FAM13A: variants seen among roughly 807,000 people sequenced by gnomAD.
FAM13A encodes the protein family with sequence similarity 13 member A.
Under a neutral mutation model 129.6 loss-of-function variants are expected in FAM13A, and 76 were observed. The observed-to-expected ratio is 0.59, with a 90% confidence interval of 0.49 to 0.71. FAM13A has a LOEUF of 0.71. FAM13A is among the 30% of genes least tolerant of loss of function. FAM13A has a pLI of 0.00. For missense variants in FAM13A, 1,108 were observed against 1,249.3 expected (o/e 0.89, Z 1.70); for synonymous variants, 443 against 449.9 (o/e 0.98, Z 0.20).
At chr4:88,980,904 C>CT (rs1761578493) in intron 4 of FAM13A, among the ~76,000 whole-genome samples, 1 of 152,132 alleles carries the variant, frequency 6.6e-6, no homozygotes, top group Non-Finnish European at 1.5e-5. Flanking sequence ...AAATTAAACT[C>CT]TAACTTATTG....
chr4:88,960,598 TGTAA>T (rs1758456470), intron 4 of FAM13A, among the ~76,000 whole-genome samples: 2 of 152,170 alleles, frequency 1.3e-5, no homozygotes, highest in Admixed American at 6.5e-5. Flanking sequence ...AAGATGACTA[TGTAA>T]GCACTCTCAG....
rs529144194 is a variant in FAM13A at position 89,002,731 on chromosome 4, A to G, written c.428-11581T>C. Among the ~76,000 whole-genome samples, 12 of 152,336 alleles carry G rather than the reference A, an allele frequency of 7.9e-5. No individual in the cohort carries two copies. The South Asian group carries it at 2.5e-3, about 32-fold the overall frequency. On this transcript the variant is annotated intron_variant, in intron 3 of 23. Coordinates refer to ENST00000264344, the MANE Select transcript of FAM13A (RefSeq NM_014883.4). ...ATCACTTTATGTTTGAATAAAGACA[A>G]AAAGAAAACCCATAAACAGATAATA...
intron 13 of FAM13A, among the ~76,000 whole-genome samples, chr4:88,760,151 A>G (rs2149513245): frequency 6.6e-6 from 1 of 152,366 alleles, no homozygotes; most frequent in Non-Finnish European, 1.5e-5. Context: ...AGCTACTTTT[A>G]ATAGCCACCC....
intron 4 of FAM13A, among the ~76,000 whole-genome samples, chr4:88,963,581 A>C (rs930493749): frequency 2.0e-5 from 3 of 152,192 alleles, no homozygotes; most frequent in Non-Finnish European, 2.9e-5. Context: ...TACAGGCATG[A>C]GCCACTGCAC....
chr4:89,019,780 A>G (rs370238184), intron 3 of FAM13A, among the ~76,000 whole-genome samples: 2,698 of 151,282 alleles, frequency 0.018, 52 homozygotes, highest in Middle Eastern at 0.051. Flanking sequence ...AAAAAAAAAA[A>G]AGCAAGTTCT....
intron 5 of FAM13A, among the ~76,000 whole-genome samples, chr4:88,912,489 A>G (rs1749226559): frequency 6.6e-6 from 1 of 151,982 alleles, no homozygotes; most frequent in Admixed American, 6.6e-5. Flanking sequence ...TGCAAACAGC[A>G]TATTATAGAG....
At chr4:88,940,925 A>G (rs1460187778) in intron 4 of FAM13A, among the ~76,000 whole-genome samples, 1 of 152,216 alleles carries the variant, frequency 6.6e-6, no homozygotes, top group Non-Finnish European at 1.5e-5. Flanking sequence ...GCCAACGTGG[A>G]ATCAAAGGGA....
chr4:88,742,462 T>C (rs1250503043), intron 19 of FAM13A, among the ~76,000 whole-genome samples: 1 of 152,206 alleles, frequency 6.6e-6, no homozygotes, highest in Non-Finnish European at 1.5e-5. Context: ...ACAAAACCAT[T>C]GTCATTTAAC....
intron 3 of FAM13A, among the ~76,000 whole-genome samples, chr4:88,993,077 T>C (rs1763112078): frequency 6.6e-6 from 1 of 152,358 alleles, no homozygotes; most frequent in Admixed American, 6.5e-5. Context: ...AAGATCAGAA[T>C]GAAGGCTCAA....
chr4:88,952,508 C>T (rs886708172), intron 4 of FAM13A, among the ~76,000 whole-genome samples: 2 of 152,142 alleles, frequency 1.3e-5, no homozygotes, highest in African/African-American at 2.4e-5. Flanking sequence ...CCTAAACTTG[C>T]CAGATCCTCA....
intron 7 of FAM13A, among the ~76,000 whole-genome samples, chr4:88,821,024 A>G (rs935644335): frequency 2.0e-5 from 3 of 152,204 alleles, no homozygotes; most frequent in Admixed American, 6.6e-5. Context: ...CTTCAGGCCC[A>G]TAACGGTGGG....
rs760446820 is a variant in FAM13A, at chr4:88,728,552, G to C, written c.3053C>G (p.Thr1018Ser). Residue 1018 changes from threonine to serine, a missense_variant, in exon 24 of 24, where the codon ACT (threonine) becomes AGT (serine). Thr to Ser is a moderately conservative substitution (Grantham distance 58, BLOSUM62 1). Around this residue, in one of 3 missense-constraint regions of FAM13A, gnomAD observed 529 missense variants for 621.2 expected, o/e 0.85. Coordinates refer to ENST00000264344, the MANE Select transcript of FAM13A (RefSeq NM_014883.4). ...LLEVLISKRD[T>S]DSKSM ...TGCCCCTCACATGGACTTGGAATCA[G>C]TGTCTCTCTTGCTGATGAGCACCTC... The C allele has an allele frequency of 5.0e-6, 8 of 1,614,060 alleles. No individual in the cohort carries two copies. The highest frequency in any genetic ancestry group is 6.8e-6 in the Non-Finnish European group (8 of 1,180,022).
At chr4:88,743,686 T>C (rs1253031339) in intron 19 of FAM13A, among the ~76,000 whole-genome samples, 1 of 152,184 alleles carries the variant, frequency 6.6e-6, no homozygotes, top group African/African-American at 2.4e-5. Flanking sequence ...CAATATAGCA[T>C]AGAGATGTAG....
intron 6 of FAM13A, among the ~76,000 whole-genome samples, chr4:88,896,224 A>G (rs1746281656): frequency 6.9e-6 from 1 of 145,408 alleles, no homozygotes; most frequent in East Asian, 2.2e-4. Context: ...GAACAATGAG[A>G]TCACATGGAC....
chr4:89,041,167 T>C lies in FAM13A; in HGVS notation c.28-11518A>G, dbSNP rs752783520. Among the ~76,000 whole-genome samples, 9 of 152,318 alleles carry C rather than the reference T, an allele frequency of 5.9e-5. No individual in the cohort carries two copies. In the South Asian group the frequency reaches 6.2e-4, roughly 11 times the overall value. ...AGAAAGAAGGAATACATTCTAATGA[T>C]TGATAGCAGAGTAGGATGACTACAG... On this transcript the variant is annotated intron_variant, in intron 1 of 23. Coordinates refer to ENST00000264344, the MANE Select transcript of FAM13A (RefSeq NM_014883.4).
intron 13 of FAM13A, among the ~76,000 whole-genome samples, chr4:88,762,136 G>C (rs1744931231): frequency 6.6e-6 from 1 of 152,152 alleles, no homozygotes; most frequent in South Asian, 2.1e-4. Context: ...GAAGAAAGAA[G>C]ACAAGTGAAA....
chr4:88,854,952 C>T (rs1392043815), intron 6 of FAM13A, among the ~76,000 whole-genome samples: 4 of 152,162 alleles, frequency 2.6e-5, no homozygotes, highest in Non-Finnish European at 5.9e-5. Flanking sequence ...AAGAGATTTA[C>T]ATAAACCAAC....
intron 16 of FAM13A, 132 bp downstream of exon 16, chr4:88,749,639 G>A (rs1337802846): frequency 1.2e-6 from 1 of 832,638 alleles, no homozygotes. Flanking sequence ...TACTATCCAG[G>A]GTTTACTGCC....
At chr4:88,988,340 AT>A (rs1470644473) in intron 4 of FAM13A, among the ~76,000 whole-genome samples, 2 of 152,294 alleles carry the variant, frequency 1.3e-5, no homozygotes, top group African/African-American at 4.8e-5. Flanking sequence ...AGAAAAATAA[AT>A]TGTGACAAAT....
Sources: allele counts gnomAD v4.1 joint callset (sites outside exome capture counted in the v4.1 genomes callset), GRCh38; gene constraint gnomAD v4.1.1; regional missense constraint gnomAD v4.1.1; transcripts MANE v1.5; gene names NCBI Gene and HGNC (gene_info 2026-07-23, HGNC 2026-07-21).